SGCZ: variants seen among roughly 807,000 people sequenced by gnomAD.
SGCZ encodes sarcoglycan zeta.
SGCZ carries 40 observed loss-of-function variants against 41.3 expected under a neutral mutation model. The ratio of observed to expected loss-of-function variants is 0.97; its 90% CI spans 0.75 to 1.26. SGCZ has a LOEUF of 1.26. Among genes scored for constraint, SGCZ ranks in the 50% most tolerant of loss-of-function variants. The pLI, the probability that SGCZ is intolerant of heterozygous loss-of-function variation, is 0.00. For synonymous variants in SGCZ, 206 were observed against 137.5 expected (o/e 1.50, Z -3.49); for missense variants, 552 against 369.8 (o/e 1.49, Z -4.04).
chr8:14,978,313 C>A (rs552577229), intron 1 of SGCZ, among the ~76,000 whole-genome samples: 1 of 145,848 alleles, frequency 6.9e-6, no homozygotes, highest in Non-Finnish European at 1.5e-5. Context: ...AATAAAAATA[C>A]AAAAAATTAG....
chr8:14,188,824 G>GT (rs145555540), intron 4 of SGCZ, among the ~76,000 whole-genome samples: 25,496 of 62,028 alleles, frequency 0.41, 3,000 homozygotes, highest in Middle Eastern at 0.48. Flanking sequence ...TTGTTTCTTT[G>GT]TTTTTTTTTG....
chr8:14,680,964 G>GAAAAAAA (rs71209075), intron 1 of SGCZ, among the ~76,000 whole-genome samples: 1 of 117,904 alleles, frequency 8.5e-6, no homozygotes, highest in African/African-American at 3.2e-5. Flanking sequence ...AAAAGAGTGG[G>GAAAAAAA]AAAAAAAAAA....
chr8:14,301,490 C>G (rs1585337704), intron 3 of SGCZ, among the ~76,000 whole-genome samples: 2 of 152,062 alleles, frequency 1.3e-5, no homozygotes, highest in East Asian at 3.9e-4. Flanking sequence ...ATAGATTACA[C>G]CTTTCCAAAT....
At chr8:14,732,020 A>G (rs1563232264) in intron 1 of SGCZ, among the ~76,000 whole-genome samples, 2 of 152,212 alleles carry the variant, frequency 1.3e-5, no homozygotes, top group Non-Finnish European at 2.9e-5. Context: ...AGGAATCTCA[A>G]TCCTAACCGT....
chr8:14,560,577 C>T (rs1268721506), intron 1 of SGCZ, among the ~76,000 whole-genome samples: 2 of 152,024 alleles, frequency 1.3e-5, no homozygotes, highest in Non-Finnish European at 2.9e-5. Context: ...CTCTTCAGAT[C>T]ATCGAATCCC....
intron 1 of SGCZ, among the ~76,000 whole-genome samples, chr8:14,827,165 C>CAA (rs11448424): frequency 2.4e-4 from 34 of 140,914 alleles, no homozygotes; most frequent in East Asian, 1.2e-3. Context: ...ATGGAAGTTT[C>CAA]AAAAAAAAAA....
At chr8:15,159,322 A>C (rs549193158) in intron 1 of SGCZ, among the ~76,000 whole-genome samples, 1 of 146,950 alleles carries the variant, frequency 6.8e-6, no homozygotes, top group South Asian at 2.3e-4. Context: ...AGTATCCTTT[A>C]TAAGAAACTG....
chr8:14,433,231 A>C (rs1799996339), intron 2 of SGCZ, among the ~76,000 whole-genome samples: 1 of 152,180 alleles, frequency 6.6e-6, no homozygotes, highest in African/African-American at 2.4e-5. Flanking sequence ...GCAGCTGCCC[A>C]AAGTTTGCCT....
At chr8:14,321,333 G>A (rs1801912464) in intron 3 of SGCZ, among the ~76,000 whole-genome samples, 2 of 152,062 alleles carry the variant, frequency 1.3e-5, no homozygotes, top group Non-Finnish European at 2.9e-5. Flanking sequence ...GAAGAAGGGT[G>A]TGAATTGCTG....
rs374110550 is a variant in SGCZ at position 14,334,864 on chromosome 8, C to T, written c.235-10660G>A. Among the ~76,000 whole-genome samples the T allele has an allele frequency of 6.0e-4, 91 of 152,112 alleles. 4 individuals are homozygous for T. The South Asian group carries it at 0.019, about 31-fold the overall frequency. On this transcript the variant is annotated intron_variant, in intron 2 of 7. Transcript: ENST00000382080. ...TCTTCATATATACTTTTTTGTAATA[C>T]ATTCATTATACAGAAGTAACTTGTG...
chr8:15,228,117 A>G (rs1164669409), intron 1 of SGCZ, among the ~76,000 whole-genome samples: 2 of 152,240 alleles, frequency 1.3e-5, no homozygotes, highest in Non-Finnish European at 2.9e-5. Context: ...TTTGTTATAC[A>G]TTAAGAGCTA....
At chr8:14,971,351 A>C (rs1387982082) in intron 1 of SGCZ, among the ~76,000 whole-genome samples, 1 of 152,104 alleles carries the variant, frequency 6.6e-6, no homozygotes, top group Non-Finnish European at 1.5e-5. Flanking sequence ...TTTGTTCCTC[A>C]TATTAGGAGA....
At chr8:14,374,022 A>G (rs1804012670) in intron 2 of SGCZ, among the ~76,000 whole-genome samples, 1 of 152,202 alleles carries the variant, frequency 6.6e-6, no homozygotes, top group Non-Finnish European at 1.5e-5. Flanking sequence ...CGATTTTAAA[A>G]AAGAAAATTG....
chr8:15,051,015 A>G (rs151101409), intron 1 of SGCZ, among the ~76,000 whole-genome samples: 45 of 152,348 alleles, frequency 3.0e-4, no homozygotes, highest in African/African-American at 1.0e-3. Flanking sequence ...TAGAACAATA[A>G]TCACTGAAAT....
At chr8:14,138,762 G>A (rs1803278666) in intron 5 of SGCZ, among the ~76,000 whole-genome samples, 1 of 152,156 alleles carries the variant, frequency 6.6e-6, no homozygotes, top group Admixed American at 6.5e-5. Flanking sequence ...ACACCCCACT[G>A]TAAACATTAG....
intron 3 of SGCZ, among the ~76,000 whole-genome samples, chr8:14,323,643 C>A (rs899133215): frequency 1.3e-5 from 2 of 152,112 alleles, no homozygotes; most frequent in Admixed American, 6.6e-5. Context: ...TGTTTTACAT[C>A]ACGTACATCC....
At chr8:14,911,703 C>A (rs1454685943) in intron 1 of SGCZ, among the ~76,000 whole-genome samples, 1 of 151,762 alleles carries the variant, frequency 6.6e-6, no homozygotes, top group African/African-American at 2.4e-5. Flanking sequence ...ACACCTAGGA[C>A]CATAAAATAG....
At chr8:15,179,580 T>C (rs1800103200) in intron 1 of SGCZ, among the ~76,000 whole-genome samples, 1 of 152,166 alleles carries the variant, frequency 6.6e-6, no homozygotes, top group African/African-American at 2.4e-5. Flanking sequence ...TGCTGGGAAA[T>C]GCATTATTTC....
At chr8:14,832,325 T>C (rs1298114705) in intron 1 of SGCZ, among the ~76,000 whole-genome samples, 1 of 152,180 alleles carries the variant, frequency 6.6e-6, no homozygotes, top group Non-Finnish European at 1.5e-5. Context: ...GTCAGCTTAA[T>C]ATTCTATGCT....
Sources: allele counts gnomAD v4.1 joint callset (sites outside exome capture counted in the v4.1 genomes callset), GRCh38; gene constraint gnomAD v4.1.1; transcripts MANE v1.5; gene names NCBI Gene and HGNC (gene_info 2026-07-23, HGNC 2026-07-21).